Variants in SLC7A2 observed in about 807,000 individuals in gnomAD.
The protein encoded by SLC7A2 is solute carrier family 7 member 2, also known as cationic amino acid transporter 2.
SLC7A2 carries 48 observed loss-of-function variants against 58.9 expected under a neutral mutation model. That is an observed-to-expected ratio of 0.82 (90% CI 0.65 to 1.04). SLC7A2 has a LOEUF of 1.04. Ranked by LOEUF, SLC7A2 falls within the 50% of genes least tolerant of loss-of-function variation. The pLI is 0.00. For synonymous variants in SLC7A2, 363 were observed against 314.5 expected (o/e 1.15, Z -1.63); for missense variants, 1,029 against 818.8 (o/e 1.26, Z -3.13).
chr8:17,524,421 T>TACAC (rs367710230), intron 2 of SLC7A2, among the ~76,000 whole-genome samples: 10,730 of 134,910 alleles, frequency 0.08, 426 homozygotes, highest in African/African-American at 0.11. Context: ...TGTGTGTGTG[T>TACAC]ACACACACAC....
intron 2 of SLC7A2, among the ~76,000 whole-genome samples, chr8:17,516,338 G>T (rs1367456642): frequency 6.6e-6 from 1 of 152,014 alleles, no homozygotes; most frequent in Non-Finnish European, 1.5e-5. Context: ...CGATTATCCT[G>T]CCTCAGCCTC....
At position 17,570,436 on chromosome 8, in the gene SLC7A2, C is replaced by A. The variant is rs534879065; in HGVS notation, c.*5290C>A. 3 of 152,500 alleles carry A rather than the reference C, an allele frequency of 2.0e-5. No homozygotes were observed. Among genetic ancestry groups the A allele is most frequent in the Non-Finnish European group, 4.4e-5 (3 of 68,016 alleles). The allele number at this position is 152,500 out of a possible 1,614,324, so 9.4% of individuals were successfully genotyped here. A position where few individuals can be genotyped will look rare whatever the true frequency, so the allele number is the denominator to read the frequency against. On this transcript the variant is annotated 3_prime_UTR_variant, in exon 13 of 13. Coordinates refer to ENST00000494857, the MANE Select transcript of SLC7A2 (RefSeq NM_001370338.1). Reference sequence around the variant, plus strand: ...AAATTTAAATGTTTTAAGTGATCATCAGTGTTCCTTTTTACTTATAAAGTT... The same window carrying A: ...AAATTTAAATGTTTTAAGTGATCATAAGTGTTCCTTTTTACTTATAAAGTT...
At chr8:17,511,738 A>C (rs1481874241) in intron 2 of SLC7A2, among the ~76,000 whole-genome samples, 2 of 152,330 alleles carry the variant, frequency 1.3e-5, no homozygotes, top group South Asian at 2.1e-4. Context: ...TTAGAAGCTA[A>C]TAAACTGGGG....
intron 8 of SLC7A2, among the ~76,000 whole-genome samples, chr8:17,556,694 C>G (rs551729250): frequency 6.6e-6 from 1 of 151,888 alleles, no homozygotes; most frequent in East Asian, 1.9e-4. Context: ...TTGCAACCTC[C>G]ACCTCCCGAG....
rs1134970 is a variant in SLC7A2 at position 17,554,655 on chromosome 8, C to G, written c.1151C>G (p.Thr384Arg). 3 of 1,613,180 alleles carry G rather than the reference C, an allele frequency of 1.9e-6. No homozygotes were observed. The highest frequency in any genetic ancestry group is 2.5e-6 in the Non-Finnish European group (3 of 1,179,806). Residue 384 changes from threonine to arginine, a missense_variant, in exon 8 of 13, where the codon ACG becomes AGG. By Grantham distance (71) the Thr-to-Arg change is moderately conservative. Coordinates refer to ENST00000494857, the MANE Select transcript of SLC7A2 (RefSeq NM_001370338.1). ...TGTCTAGCTCAAATCAATTCCAAAA[C>G]GAAGACACCAATAATTGCTACTTTA... ...FKCLAQINSK[T>R]KTPIIATLSS...
At chr8:17,555,502 G>T (rs1289914776) in intron 8 of SLC7A2, among the ~76,000 whole-genome samples, 1 of 152,006 alleles carries the variant, frequency 6.6e-6, no homozygotes, top group African/African-American at 2.4e-5. Flanking sequence ...TTTGGTCTAG[G>T]ATATACGTCG....
At chr8:17,559,410 G>T (rs1802856385) in intron 9 of SLC7A2, among the ~76,000 whole-genome samples, 1 of 152,080 alleles carries the variant, frequency 6.6e-6, no homozygotes, top group African/African-American at 2.4e-5. Context: ...GCAAAAGGGG[G>T]AAAAGCCCCT....
upstream of SLC7A2, among the ~76,000 whole-genome samples, chr8:17,496,435 C>G (rs1339954167): frequency 6.6e-6 from 1 of 152,182 alleles, no homozygotes; most frequent in Non-Finnish European, 1.5e-5. Flanking sequence ...CACATTGTGA[C>G]TTAATCTTAT....
rs969426321 is a variant in SLC7A2, at chr8:17,543,197, CACACACACACACACACACAA to C, written c.-22-105_-22-86del. ...TCTCTTCTAACAAGTGAAACACACA[CACACACACACACACACACAA>C]ACACACACACACACATACTCTAATT... On this transcript the variant is annotated intron_variant, in intron 2 of 12. Coordinates refer to ENST00000494857, the MANE Select transcript of SLC7A2 (RefSeq NM_001370338.1). The C allele has an allele frequency of 4.9e-5, 42 of 853,070 alleles. No individual in the cohort carries two copies. The Admixed American group carries it at 5.8e-4, about 12-fold the overall frequency. The allele number at this position is 853,070 out of a possible 1,614,324, so 52.8% of individuals were successfully genotyped here.
At chr8:17,548,566 A>T (rs546062991) in intron 4 of SLC7A2, 112 bp from the exon 5 acceptor site, 1 of 751,552 alleles carries the variant, frequency 1.3e-6, no homozygotes, top group African/African-American at 1.7e-5. Context: ...AGATAGATGG[A>T]AATTAAAGAC....
chr8:17,549,005 A>C (rs1280988896), intron 5 of SLC7A2, among the ~76,000 whole-genome samples, 162 bp downstream of exon 5: 3 of 148,284 alleles, frequency 2.0e-5, no homozygotes, highest in African/African-American at 7.3e-5. Context: ...ATGGCTGGGG[A>C]AGCCTCACAA....
chr8:17,496,947 G>T (rs898985075), upstream of SLC7A2: 1 of 151,598 alleles, frequency 6.6e-6, no homozygotes, highest in Non-Finnish European at 1.5e-5. Flanking sequence ...CCCACCCCGG[G>T]GATTGGTCAG....
chr8:17,542,650 CAA>C (rs148911251), intron 2 of SLC7A2, among the ~76,000 whole-genome samples: 1 of 135,036 alleles, frequency 7.4e-6, no homozygotes. Context: ...GACCCTGTCT[CAA>C]AAAAAAAAGA....
chr8:17,528,643 C>T (rs1431825808), intron 2 of SLC7A2, among the ~76,000 whole-genome samples: 1 of 152,132 alleles, frequency 6.6e-6, no homozygotes, highest in Non-Finnish European at 1.5e-5. Flanking sequence ...AGGAAGTTAA[C>T]TCCGCCTGCC....
At position 17,568,097 on chromosome 8, in the gene SLC7A2, C is replaced by A. The variant is rs904456978; in HGVS notation, c.*2951C>A. On this transcript the variant is annotated 3_prime_UTR_variant, in exon 13 of 13. Transcript: ENST00000494857. The stretch of plus-strand genomic sequence containing the variant: ...GTAATCAATCAAAATTATATAAAGT[C>A]TTCTCCAGTAATTAAGAAATACATA... The A allele has an allele frequency of 6.6e-6, 1 of 151,926 alleles. No individual in the cohort carries two copies. The highest frequency in any genetic ancestry group is 2.4e-5 in the African/African-American group (1 of 41,320). The allele number at this position is 151,926 out of a possible 1,614,324, so 9.4% of individuals were successfully genotyped here.
At chr8:17,548,592 A>G in intron 4 of SLC7A2, 86 bp from the exon 5 acceptor site, 2 of 928,908 alleles carry the variant, frequency 2.2e-6, no homozygotes, top group Non-Finnish European at 3.3e-6. Flanking sequence ...TGCTGGTGAA[A>G]TAATATCCTA....
chr8:17,565,156 G>A lies in SLC7A2; in HGVS notation c.*10G>A. 6.2e-7 allele frequency: 1 copy of A among 1,600,950 alleles called. No homozygotes were observed. Among genetic ancestry groups the A allele is most frequent in the Non-Finnish European group, 8.5e-7 (1 of 1,170,578 alleles). ...GACAAGTGAATTCTAACACTTGCAGGAGCAGAGCTGGTCATCGTCTTAGCA... is the reference window on the plus strand; with the variant it reads ...GACAAGTGAATTCTAACACTTGCAGAAGCAGAGCTGGTCATCGTCTTAGCA... On this transcript the variant is annotated 3_prime_UTR_variant, in exon 13 of 13. Coordinates refer to ENST00000494857, the MANE Select transcript of SLC7A2 (RefSeq NM_001370338.1).
chr8:17,560,667 A>G, intron 10 of SLC7A2, 134 bp downstream of exon 10: 1 of 692,674 alleles, frequency 1.4e-6, no homozygotes. Flanking sequence ...ATTTTCACCT[A>G]AAGCATCACC....
intron 9 of SLC7A2, among the ~76,000 whole-genome samples, chr8:17,559,221 T>G (rs1802847472): frequency 6.6e-6 from 1 of 152,176 alleles, no homozygotes; most frequent in Admixed American, 6.5e-5. Flanking sequence ...AGGCTTGTAT[T>G]AGTCCATTCT....
Sources: gnomAD v4.1 joint callset for allele counts (sites outside exome capture counted in the v4.1 genomes callset) on GRCh38, gnomAD v4.1.1 for gene constraint, MANE v1.5 for transcripts, NCBI Gene and HGNC (gene_info 2026-07-23, HGNC 2026-07-21) for gene names.